The following DLST variants were observed in gnomAD, a reference collection of about 807,000 sequenced individuals.
DLST encodes dihydrolipoamide S-succinyltransferase.
DLST carries 17 observed loss-of-function variants against 53.1 expected under a neutral mutation model. That is an observed-to-expected ratio of 0.32 (90% CI 0.22 to 0.48). The LOEUF is 0.48. DLST is among the 20% of genes least tolerant of loss of function. The probability of loss-of-function intolerance (pLI) is 0.99; values close to 1 mark genes in which losing one functional copy is unlikely to be tolerated. For synonymous variants in DLST, 206 were observed against 204.8 expected (o/e 1.01, Z -0.05); for missense variants, 512 against 583.9 (o/e 0.88, Z 1.27).
intron 1 of DLST, 92 bp from the exon 2 acceptor site, chr14:74,882,499 C>A: frequency 7.7e-7 from 1 of 1,301,380 alleles, no homozygotes; most frequent in Non-Finnish European, 1.1e-6. Context: ...CCTGTCACCA[C>A]CACTGGGACA....
intron 1 of DLST, 111 bp downstream of exon 1, chr14:74,882,127 A>G: frequency 1.9e-6 from 2 of 1,035,216 alleles, no homozygotes; most frequent in Non-Finnish European, 2.5e-6. Flanking sequence ...CACCAAGGGC[A>G]CTGGGACGCG....
intron 7 of DLST, chr14:74,891,659 G>T: frequency 1.0e-6 from 1 of 984,974 alleles, no homozygotes; most frequent in Non-Finnish European, 1.2e-6. Flanking sequence ...AATGAGAAAC[G>T]AATTTGTACT....
At chr14:74,896,548 C>T (rs191798595) in intron 10 of DLST, among the ~76,000 whole-genome samples, 1 of 152,290 alleles carries the variant, frequency 6.6e-6, no homozygotes, top group Admixed American at 6.5e-5. Flanking sequence ...TGCGCTGTGG[C>T]ATTGTTCAGA....
intron 2 of DLST, among the ~76,000 whole-genome samples, chr14:74,884,715 A>C (rs1184655621): frequency 6.6e-6 from 1 of 152,210 alleles, no homozygotes; most frequent in Non-Finnish European, 1.5e-5. Flanking sequence ...TTTGCACTGC[A>C]TAGTCATTGG....
intron 10 of DLST, among the ~76,000 whole-genome samples, chr14:74,896,187 A>C (rs941897108): frequency 6.6e-6 from 1 of 152,218 alleles, no homozygotes; most frequent in Non-Finnish European, 1.5e-5. Context: ...TTCAAGAGTG[A>C]CTAGCATTTT....
chr14:74,894,162 C>T, intron 9 of DLST, 150 bp from the exon 10 acceptor site: 1 of 871,550 alleles, frequency 1.1e-6, no homozygotes, highest in South Asian at 1.8e-5. Context: ...GAAAGGGCCA[C>T]CACAGGAAAG....
chr14:74,900,154 T>G, intron 12 of DLST, 135 bp from the exon 13 acceptor site: 2 of 1,104,870 alleles, frequency 1.8e-6, no homozygotes, highest in Non-Finnish European at 2.7e-6. Flanking sequence ...CCGCATTCTT[T>G]TAACACTTTC....
At chr14:74,899,188 CTCT>C (rs1360583803) in intron 11 of DLST, among the ~76,000 whole-genome samples, 6 of 151,890 alleles carry the variant, frequency 4.0e-5, no homozygotes, top group Non-Finnish European at 8.8e-5. Context: ...AAATGTATAC[CTCT>C]TCTTTTTCCC....
At chr14:74,895,737 T>A (rs140013128) in intron 10 of DLST, among the ~76,000 whole-genome samples, 14 of 152,186 alleles carry the variant, frequency 9.2e-5, no homozygotes, top group African/African-American at 3.4e-4. Context: ...CTGCCTCTAC[T>A]AAAAATACAA....
intron 10 of DLST, among the ~76,000 whole-genome samples, chr14:74,896,380 G>A (rs558743380): frequency 6.6e-6 from 1 of 152,308 alleles, no homozygotes; most frequent in South Asian, 2.1e-4. Flanking sequence ...CAGGGTAGGA[G>A]TTTATATTTA....
intron 10 of DLST, among the ~76,000 whole-genome samples, chr14:74,896,437 G>A (rs1420661781): frequency 6.6e-6 from 1 of 152,122 alleles, no homozygotes; most frequent in Admixed American, 6.5e-5. Flanking sequence ...CTTTCTTTTT[G>A]TCCTGAGGGT....
Position 74,882,637 on chromosome 14 carries a change from C to T in DLST, c.97+13C>T. 6.2e-7 allele frequency: 1 copy of T among 1,613,724 alleles called. No homozygotes were observed. On this transcript the variant is annotated intron_variant, in intron 2 of 14. Coordinates refer to ENST00000334220, the MANE Select transcript of DLST (RefSeq NM_001933.5). ...CGTTCCCTGCCTGGTAAGTTCTGCC[C>T]TTACCGTCACCTAAAATGCTCTCCT...
chr14:74,884,321 T>C (rs906173468), intron 2 of DLST, among the ~76,000 whole-genome samples: 1 of 152,162 alleles, frequency 6.6e-6, no homozygotes. Flanking sequence ...TGTAGTGGAC[T>C]CTCAATAACA....
intron 9 of DLST, 22 bp from the exon 10 acceptor site, chr14:74,894,290 C>T (rs1218603192): frequency 6.2e-7 from 1 of 1,613,170 alleles, no homozygotes; most frequent in Non-Finnish European, 8.5e-7. Context: ...ATTGTCAATG[C>T]TTGTTCCACT....
At chr14:74,900,125 T>C in intron 12 of DLST, 129 bp downstream of exon 12, 1 of 1,094,412 alleles carries the variant, frequency 9.1e-7, no homozygotes, top group Non-Finnish European at 1.4e-6. Flanking sequence ...AAGTAACCTT[T>C]TTTTTCTTTT....
At chr14:74,885,091 C>G (rs1883656474) in intron 2 of DLST, among the ~76,000 whole-genome samples, 1 of 152,174 alleles carries the variant, frequency 6.6e-6, no homozygotes, top group Admixed American at 6.5e-5. Flanking sequence ...GTAGCCAAGT[C>G]TTTGCTACTA....
In DLST at chr14:74,899,914, C is replaced by G. The variant is rs1438195029; in HGVS notation, c.902-9C>G. The G allele has an allele frequency of 5.0e-6, 8 of 1,608,872 alleles. No individual in the cohort carries two copies. Among genetic ancestry groups the G allele is most frequent in the East Asian group, 2.2e-5 (1 of 44,846 alleles). ...GAGTTGTATGTAACATGTATTTTCT[C>G]TCTCATAGTGATTGACGACACAACC... On this transcript the variant is annotated splice_polypyrimidine_tract_variant and intron_variant, in intron 11 of 14. Coordinates refer to ENST00000334220, the MANE Select transcript of DLST (RefSeq NM_001933.5).
chr14:74,891,359 T>TA, intron 7 of DLST, 192 bp downstream of exon 7: 3 of 1,347,904 alleles, frequency 2.2e-6, no homozygotes, highest in South Asian at 3.5e-5. Flanking sequence ...GTGTATTTTT[T>TA]AAAAAATAAA....
chr14:74,897,570 C>T (rs1884109914), intron 10 of DLST, among the ~76,000 whole-genome samples: 1 of 152,168 alleles, frequency 6.6e-6, no homozygotes, highest in African/African-American at 2.4e-5. Flanking sequence ...CTGAAGGGAA[C>T]CAGCCTAAAC....
Sources: gnomAD v4.1 joint callset for allele counts (sites outside exome capture counted in the v4.1 genomes callset) on GRCh38, gnomAD v4.1.1 for gene constraint, MANE v1.5 for transcripts, NCBI Gene and HGNC (gene_info 2026-07-23, HGNC 2026-07-21) for gene names.